Variants in KIAA0586 observed in about 807,000 individuals in gnomAD.
KIAA0586 encodes the protein KIAA0586.
Under a neutral mutation model 169.8 loss-of-function variants are expected in KIAA0586, and 144 were observed. The ratio of observed to expected loss-of-function variants is 0.85; its 90% CI spans 0.74 to 0.97. The LOEUF (loss-of-function observed/expected upper bound fraction) is 0.97, where lower values mean the gene tolerates loss of function less well. Ranked by LOEUF, KIAA0586 falls within the 50% of genes least tolerant of loss-of-function variation. KIAA0586 has a pLI of 0.00. For synonymous variants in KIAA0586, 625 were observed against 612.4 expected, an observed-to-expected ratio of 1.02 and a Z score of -0.30; for missense variants, 1,854 against 1,823.0, an observed-to-expected ratio of 1.02 and a Z score of -0.31.
intron 4 of KIAA0586, chr14:58,440,065 T>TC (rs397975712): frequency 1.2e-5 from 3 of 241,442 alleles, no homozygotes; most frequent in South Asian, 3.8e-5. Flanking sequence ...TTTTTTTTTT[T>TC]CTAGAGACAG....
downstream of KIAA0586, among the ~76,000 whole-genome samples, chr14:58,554,534 A>G (rs1800044558): frequency 6.6e-6 from 1 of 152,184 alleles, no homozygotes; most frequent in African/African-American, 2.4e-5. Flanking sequence ...TCCTAACCAC[A>G]TAGGGCATGC....
chr14:58,552,583 T>G (rs2047220663), downstream of KIAA0586, among the ~76,000 whole-genome samples: 1 of 152,184 alleles, frequency 6.6e-6, no homozygotes, highest in Non-Finnish European at 1.5e-5. Context: ...ATCTCTGGAA[T>G]TCAGGGACCC....
rs763432992 is a variant in KIAA0586 at position 58,444,084 on chromosome 14, A to G, written c.716A>G (p.His239Arg). ...ATTCAGAGGAAACAAGAGAAATTAC[A>G]TTGTCATGATCACGAAAAGCAAATG... Reference protein sequence around the residue: ...TSIQRKQEKLHCHDHEKQMNV... With the variant: ...TSIQRKQEKLRCHDHEKQMNV... Residue 239 changes from histidine (H) to arginine (R), a missense_variant, in exon 6 of 31, where the codon CAT becomes CGT. By Grantham distance (29) the His-to-Arg change is conservative. Coordinates refer to ENST00000652326, the MANE Select transcript of KIAA0586 (RefSeq NM_001329943.3). 4.3e-6 allele frequency: 7 copies of G among 1,613,698 alleles called. No individual in the cohort carries two copies. Among genetic ancestry groups the G allele is most frequent in the South Asian group, 2.2e-5 (2 of 91,018 alleles).
chr14:58,444,091 T>C lies in KIAA0586; in HGVS notation c.723T>C (p.His241=), dbSNP rs373333959. Residue 241 remains histidine, a synonymous_variant, in exon 6 of 31, where the codon CAT becomes CAC. Transcript: ENST00000652326. ...GGAAACAAGAGAAATTACATTGTCA[T>C]GATCACGAAAAGCAAATGAATGTGT... ...IQRKQEKLHC[H]DHEKQMNVFM... is the part of the protein sequence containing the mutation. The C allele has an allele frequency of 8.8e-5, 142 of 1,613,612 alleles. No individual in the cohort carries two copies. In the South Asian group the frequency reaches 9.7e-4, roughly 11 times the overall value.
chr14:58,466,305 G>T (rs921064915), intron 15 of KIAA0586, among the ~76,000 whole-genome samples: 1 of 152,156 alleles, frequency 6.6e-6, no homozygotes, highest in South Asian at 2.1e-4. Context: ...AATGTTATTT[G>T]TTTTTGTGGG....
chr14:58,464,509 C>T (rs1007160599), intron 14 of KIAA0586, among the ~76,000 whole-genome samples: 16 of 151,752 alleles, frequency 1.1e-4, no homozygotes, highest in South Asian at 6.2e-4. Context: ...TTCCTTTGCC[C>T]GCTTACTTTA....
At chr14:58,470,549 A>T (rs1432352443) in intron 16 of KIAA0586, 64 bp from the exon 17 acceptor site, 3 of 929,204 alleles carry the variant, frequency 3.2e-6, no homozygotes, top group Non-Finnish European at 5.2e-6. Flanking sequence ...GTATATACAC[A>T]TACTCATAAA....
chr14:58,547,765 C>T lies in KIAA0586; in HGVS notation c.4496-16C>T, dbSNP rs111487478. 7.1e-4 allele frequency: 1,149 copies of T among 1,610,690 alleles called. 6 individuals carry two copies. The highest frequency in any genetic ancestry group is 6.5e-3 in the African/African-American group (490 of 74,880). On this transcript the variant is annotated splice_polypyrimidine_tract_variant and intron_variant, in intron 30 of 30. Coordinates refer to ENST00000652326, the MANE Select transcript of KIAA0586 (RefSeq NM_001329943.3). ...GGTTACGCATGTTGAGCTGAATGAGCTTCTCCTTTGTGCAGGTGGGAAAGC... is the reference window on the plus strand; with the variant it reads ...GGTTACGCATGTTGAGCTGAATGAGTTTCTCCTTTGTGCAGGTGGGAAAGC...
chr14:58,438,801 G>A (rs185601483), intron 4 of KIAA0586, among the ~76,000 whole-genome samples: 1 of 152,304 alleles, frequency 6.6e-6, no homozygotes, highest in Admixed American at 6.5e-5. Context: ...AGAAGGGTGA[G>A]AGAGCAGAGT....
chr14:58,530,661 C>CTCTA (rs1263509745), intron 29 of KIAA0586, among the ~76,000 whole-genome samples: 1 of 152,164 alleles, frequency 6.6e-6, no homozygotes, highest in African/African-American at 2.4e-5. Context: ...GAAACTGGAC[C>CTCTA]TCTTCCTTAC....
rs1310205259 is a variant in KIAA0586 at position 58,550,831 on chromosome 14, C to CT, written c.*2900dup. The CT allele has an allele frequency of 4.4e-5, 6 of 136,276 alleles. No individual in the cohort carries two copies. The highest frequency in any genetic ancestry group is 4.3e-4 in the Admixed American group (6 of 13,972). The allele number at this position is 136,276 out of a possible 1,614,324, so 8.4% of individuals were successfully genotyped here. ...CCTGGGTGACAGAATGAGACCGTGTCTCAAAAAAAAAAAAAAAAAAATTGC... is the reference window on the plus strand; with the variant it reads ...CCTGGGTGACAGAATGAGACCGTGTCTTCAAAAAAAAAAAAAAAAAAATTGC... On this transcript the variant is annotated 3_prime_UTR_variant, in exon 31 of 31. Coordinates refer to ENST00000652326, the MANE Select transcript of KIAA0586 (RefSeq NM_001329943.3).
At chr14:58,496,481 A>G (rs1749001) in intron 26 of KIAA0586, among the ~76,000 whole-genome samples, 149,049 of 152,286 alleles carry the variant, frequency 0.98, 73,025 homozygotes, top group East Asian at 1. Flanking sequence ...CATAATTGCC[A>G]TCATTCTAAA....
chr14:58,521,775 G>A (rs2045247475), intron 29 of KIAA0586: 3 of 804,822 alleles, frequency 3.7e-6, no homozygotes, highest in African/African-American at 3.4e-5. Context: ...TGATAAGTCG[G>A]AAGAGGAGCA....
intron 8 of KIAA0586, 38 bp from the exon 9 acceptor site, chr14:58,453,312 A>T (rs768519280): frequency 1.9e-6 from 2 of 1,073,050 alleles, no homozygotes; most frequent in Admixed American, 6.8e-5. Flanking sequence ...GAAATGAATT[A>T]GTATTTGGAA....
Position 58,517,026 on chromosome 14 carries a change from A to G in KIAA0586, c.4429+4399A>G, listed in dbSNP as rs139997247. Among the ~76,000 whole-genome samples the G allele has an allele frequency of 2.3e-4, 35 of 152,336 alleles. No individual in the cohort carries two copies. In the East Asian group the frequency reaches 6.4e-3, roughly 28 times the overall value. ...ATCATAGATCTAAATGTAAAGCCTA[A>G]AACTACAAAACTTCTAGAAGAAAAT... is the stretch of plus-strand genomic sequence containing the variant. On this transcript the variant is annotated intron_variant, in intron 29 of 30. Transcript: ENST00000652326.
intron 29 of KIAA0586, among the ~76,000 whole-genome samples, 189 bp downstream of exon 29, chr14:58,512,816 G>A (rs1228998637): frequency 6.6e-6 from 1 of 151,980 alleles, no homozygotes; most frequent in African/African-American, 2.4e-5. Context: ...CTTTTTACCA[G>A]TAAACACTAT....
chr14:58,445,118 C>CAT (rs897664408), intron 6 of KIAA0586, among the ~76,000 whole-genome samples: 26 of 146,414 alleles, frequency 1.8e-4, no homozygotes, highest in African/African-American at 6.3e-4. Context: ...TATACACACA[C>CAT]ACATACATAC....
rs1185545198 is a variant in KIAA0586, at chr14:58,487,173, A to T, written c.3304+7A>T. 5.6e-6 allele frequency: 9 copies of T among 1,605,678 alleles called. No individual in the cohort carries two copies. Among genetic ancestry groups the T allele is most frequent in the Non-Finnish European group, 6.8e-6 (8 of 1,175,862 alleles). The stretch of plus-strand genomic sequence containing the variant: ...GAAATATGTGCTGAAAAAGGTAGAA[A>T]CTTTATTTCTATAACTCGGTTTTAA... On this transcript the variant is annotated splice_region_variant and intron_variant, in intron 22 of 30. Transcript: ENST00000652326.
rs938825942 is a variant in KIAA0586, at chr14:58,548,646, C to T, written c.*714C>T. 6.6e-6 allele frequency: 1 copy of T among 151,994 alleles called. No individual in the cohort carries two copies. The highest frequency in any genetic ancestry group is 2.1e-4 in the South Asian group (1 of 4,798). 9.4% of individuals were successfully genotyped at this position (151,994 alleles called of 1,614,324 possible). A position where few individuals can be genotyped will look rare whatever the true frequency, so the allele number is the denominator to read the frequency against. On this transcript the variant is annotated 3_prime_UTR_variant, in exon 31 of 31. Coordinates refer to ENST00000652326, the MANE Select transcript of KIAA0586 (RefSeq NM_001329943.3). The stretch of plus-strand genomic sequence containing the variant: ...CTAAGTGATAGGAATCAAGGATAAT[C>T]GTGGTTACTATGTATTTGAACTTCA...
Sources: allele counts gnomAD v4.1 joint callset (sites outside exome capture counted in the v4.1 genomes callset), GRCh38; gene constraint gnomAD v4.1.1; transcripts MANE v1.5; gene names NCBI Gene and HGNC (gene_info 2026-07-23, HGNC 2026-07-21).